Variants in CHST11 observed in about 807,000 individuals in gnomAD.
CHST11 encodes C4S-1.
CHST11 carries 9 observed loss-of-function variants against 30.4 expected under a neutral mutation model. The ratio of observed to expected loss-of-function variants is 0.30; its 90% CI spans 0.18 to 0.52. The LOEUF (loss-of-function observed/expected upper bound fraction) is 0.52. Ranked by LOEUF, CHST11 falls within the 20% of genes least tolerant of loss-of-function variation. The pLI, the probability that CHST11 is intolerant of heterozygous loss-of-function variation, is 0.97. For missense variants in CHST11, 348 were observed against 460.6 expected, an observed-to-expected ratio of 0.76 and a Z score of 2.24; for synonymous variants, 152 against 187.8, an observed-to-expected ratio of 0.81 and a Z score of 1.56.
intron 2 of CHST11, among the ~76,000 whole-genome samples, chr12:104,668,637 C>A (rs935004320): frequency 3.9e-5 from 6 of 152,180 alleles, no homozygotes; most frequent in Admixed American, 1.3e-4. Flanking sequence ...CATTTATCGT[C>A]CCCTAGTTCC....
chr12:104,600,860 CTCCTT>C lies in CHST11; in HGVS notation c.119-1045_119-1041del, dbSNP rs373081931. The stretch of plus-strand genomic sequence containing the variant: ...TCCCCCATCTCTCTTTTTTCCCTCT[CTCCTT>C]CTTTCCTTTCTTCCTTCCCTCCCTT... On this transcript the variant is annotated intron_variant, in intron 1 of 2. Transcript: ENST00000303694. This position sits in a 1 kb window ranked among gnomAD's most constrained non-coding sequence, Gnocchi z 4.1. Among the ~76,000 whole-genome samples, 97 of 151,388 alleles carry C rather than the reference CTCCTT, an allele frequency of 6.4e-4. 1 individual carries two copies. Among genetic ancestry groups the C allele is most frequent in the Middle Eastern group, 3.4e-3 (1 of 294 alleles).
In CHST11 at chr12:104,759,048, T is replaced by C. The variant is rs1258284269; in HGVS notation, c.*1245T>C. On this transcript the variant is annotated 3_prime_UTR_variant, in exon 3 of 3. Coordinates refer to ENST00000303694, the MANE Select transcript of CHST11 (RefSeq NM_018413.6). ...CATTCAGCCTAGCACCACATCCCCA[T>C]GTAGAAGTGTTGTCTTCTACTGCTT... 1.3e-5 allele frequency: 2 copies of C among 152,178 alleles called. No homozygotes were observed. Among genetic ancestry groups the C allele is most frequent in the African/African-American group, 4.8e-5 (2 of 41,440 alleles). 9.4% of individuals were successfully genotyped at this position (152,178 alleles called of 1,614,324 possible).
At chr12:104,497,097 A>C (rs2135971651) in intron 1 of CHST11, among the ~76,000 whole-genome samples, 1 of 152,294 alleles carries the variant, frequency 6.6e-6, no homozygotes, top group East Asian at 1.9e-4. Flanking sequence ...CAGGTGCTAT[A>C]CCTCAAAGGA....
intron 1 of CHST11, among the ~76,000 whole-genome samples, chr12:104,517,989 C>T (rs1387705818): frequency 6.6e-6 from 1 of 152,172 alleles, no homozygotes. Context: ...GTTCCCGCCT[C>T]TGAGTCAAGA....
chr12:104,692,363 T>C (rs2039904047), intron 2 of CHST11, among the ~76,000 whole-genome samples: 1 of 152,234 alleles, frequency 6.6e-6, no homozygotes, highest in Non-Finnish European at 1.5e-5. Flanking sequence ...ACCAGGGATT[T>C]GGCGTGACCG....
chr12:104,532,390 T>C (rs1203635111), intron 1 of CHST11, among the ~76,000 whole-genome samples: 2 of 144,758 alleles, frequency 1.4e-5, no homozygotes, highest in Non-Finnish European at 3.0e-5. Flanking sequence ...CACAACAGAC[T>C]GCACCTAACA....
At chr12:104,684,796 G>A (rs902012724) in intron 2 of CHST11, among the ~76,000 whole-genome samples, 11 of 152,202 alleles carry the variant, frequency 7.2e-5, no homozygotes, top group African/African-American at 2.4e-4. Flanking sequence ...TGGTCTGCCC[G>A]CCTCGGCCTC....
At chr12:104,484,166 G>C (rs1758132812) in intron 1 of CHST11, among the ~76,000 whole-genome samples, 1 of 152,124 alleles carries the variant, frequency 6.6e-6, no homozygotes, top group South Asian at 2.1e-4. Context: ...GGCTGGAGTG[G>C]GCAACAGAGA....
intron 1 of CHST11, among the ~76,000 whole-genome samples, chr12:104,512,635 A>T (rs1178778254): frequency 6.6e-6 from 1 of 152,342 alleles, no homozygotes; most frequent in African/African-American, 2.4e-5. Flanking sequence ...TTATTGAGGT[A>T]GAGGGAGTTT....
At chr12:104,568,171 G>A (rs1001547514) in intron 1 of CHST11, among the ~76,000 whole-genome samples, 13 of 152,172 alleles carry the variant, frequency 8.5e-5, no homozygotes, top group Non-Finnish European at 1.5e-4. Context: ...CTGCTGTTTA[G>A]GGCCGGGGTC....
intron 1 of CHST11, 145 bp from the exon 2 acceptor site, chr12:104,601,761 G>A: frequency 1.6e-6 from 1 of 633,040 alleles, no homozygotes; most frequent in Non-Finnish European, 2.8e-6. Context: ...TTGGAGAAGG[G>A]ACAGTGTGGA....
intron 1 of CHST11, among the ~76,000 whole-genome samples, chr12:104,578,029 C>T (rs945403040): frequency 6.6e-6 from 1 of 152,114 alleles, no homozygotes; most frequent in Non-Finnish European, 1.5e-5. Flanking sequence ...GGCTGGAGCA[C>T]GGTGCCAGTG....
intron 1 of CHST11, among the ~76,000 whole-genome samples, chr12:104,525,254 G>A (rs766302134): frequency 6.6e-6 from 1 of 152,104 alleles, no homozygotes; most frequent in Admixed American, 6.6e-5. Context: ...GCCTGCCAAA[G>A]TGCTGGGATT....
At chr12:104,634,092 G>A (rs933135901) in intron 2 of CHST11, among the ~76,000 whole-genome samples, 2 of 152,146 alleles carry the variant, frequency 1.3e-5, no homozygotes, top group Non-Finnish European at 2.9e-5. Context: ...CACAAAGCTC[G>A]GTCCTTATAG....
chr12:104,477,393 G>A (rs541978598), intron 1 of CHST11, among the ~76,000 whole-genome samples: 44 of 152,138 alleles, frequency 2.9e-4, no homozygotes, highest in Non-Finnish European at 5.0e-4. Context: ...TGCAAAGCGT[G>A]GGCTGGCATC....
chr12:104,556,228 T>C (rs977798499), intron 1 of CHST11, among the ~76,000 whole-genome samples: 3 of 152,120 alleles, frequency 2.0e-5, no homozygotes, highest in Non-Finnish European at 2.9e-5. Context: ...GGGACCCCAT[T>C]TTACAGAGGA....
At chr12:104,667,477 C>A (rs749373166) in intron 2 of CHST11, among the ~76,000 whole-genome samples, 1 of 152,178 alleles carries the variant, frequency 6.6e-6, no homozygotes, top group African/African-American at 2.4e-5. Flanking sequence ...GGAGTTTCAT[C>A]CCAGTCCTTA....
intron 2 of CHST11, among the ~76,000 whole-genome samples, chr12:104,674,208 T>G (rs926041701): frequency 3.9e-5 from 6 of 152,212 alleles, no homozygotes; most frequent in Non-Finnish European, 5.9e-5. Context: ...AGGTAGATTC[T>G]AACTTTGTGT....
intron 1 of CHST11, among the ~76,000 whole-genome samples, chr12:104,586,230 T>A (rs893795833): frequency 2.0e-5 from 3 of 151,530 alleles, no homozygotes; most frequent in African/African-American, 7.3e-5. Context: ...AGGACAAGAG[T>A]GGAGAAAAGG....
Sources: allele counts gnomAD v4.1 joint callset (sites outside exome capture counted in the v4.1 genomes callset), GRCh38; gene constraint gnomAD v4.1.1; non-coding constraint Gnocchi (gnomAD v3.1); transcripts MANE v1.5; gene names NCBI Gene and HGNC (gene_info 2026-07-23, HGNC 2026-07-21).